ANKLE2: variants seen among roughly 807,000 people sequenced by gnomAD.
The protein encoded by ANKLE2 is ankyrin repeat and LEM domain containing 2, also known as ankyrin repeat and LEM domain-containing protein 2.
ANKLE2 carries 55 observed loss-of-function variants against 84.2 expected under a neutral mutation model. That is an observed-to-expected ratio of 0.65 (90% CI 0.53 to 0.82). The LOEUF is 0.82. ANKLE2 is among the 40% of genes least tolerant of loss of function. The probability of loss-of-function intolerance (pLI) is 0.00; values close to 1 mark genes in which losing one functional copy is unlikely to be tolerated. For missense variants in ANKLE2, 1,238 were observed against 1,201.9 expected (o/e 1.03, Z -0.44); for synonymous variants, 551 against 486.1 (o/e 1.13, Z -1.76).
chr12:132,729,663 G>A lies in ANKLE2; in HGVS notation c.2483+16C>T, dbSNP rs762589003. 29 of 1,562,760 alleles carry A rather than the reference G, an allele frequency of 1.9e-5. No homozygotes were observed. Among genetic ancestry groups the A allele is most frequent in the Non-Finnish European group, 2.4e-5 (27 of 1,147,252 alleles). ...GTGGGGAAGGAAAGTGAGTGCAGAGGGCAACACACTCCTACCCAAAAAGGA... is the reference window on the plus strand; with the variant it reads ...GTGGGGAAGGAAAGTGAGTGCAGAGAGCAACACACTCCTACCCAAAAAGGA... On this transcript the variant is annotated intron_variant, in intron 11 of 12. Transcript: ENST00000357997.
rs1174019995 is a variant in ANKLE2, at chr12:132,748,271, T to G, written c.908A>C (p.Asn303Thr). ...GGCGGTGAGGTCCTGCGTGCGGGGA[T>G]TTTTGTAACTGTTCGCTCGCTCTTT... ...VNKERANSYKNPRTQDLTAKL... is the reference protein window; with the variant it reads ...VNKERANSYKTPRTQDLTAKL... The change falls in exon 4 of 13, where the codon AAT (asparagine) becomes ACT (threonine). Residue 303 changes from asparagine (N) to threonine (T), a missense_variant. This residue lies in a region of ANKLE2 where 422 missense variants were observed against 394.5 expected (regional missense o/e 1.07). Transcript: ENST00000357997. The G allele has an allele frequency of 6.2e-7, 1 of 1,614,078 alleles. No individual in the cohort carries two copies. Among genetic ancestry groups the G allele is most frequent in the East Asian group, 2.2e-5 (1 of 44,892 alleles).
At chr12:132,727,571 T>A in intron 12 of ANKLE2, 128 bp from the exon 13 acceptor site, 1 of 858,222 alleles carries the variant, frequency 1.2e-6, no homozygotes, top group Non-Finnish European at 1.7e-6. Context: ...TGGTGAACCC[T>A]GGCACCGCGG....
chr12:132,749,669 G>A (rs1453337866), intron 3 of ANKLE2, among the ~76,000 whole-genome samples: 1 of 152,226 alleles, frequency 6.6e-6, no homozygotes, highest in East Asian at 1.9e-4. Flanking sequence ...GCGAGAGGGA[G>A]CAGGAACTGA....
intron 8 of ANKLE2, among the ~76,000 whole-genome samples, chr12:132,736,556 C>T (rs879324701): frequency 7.8e-6 from 1 of 128,454 alleles, no homozygotes; most frequent in Non-Finnish European, 1.7e-5. Context: ...CGGGCAGCCT[C>T]GCTACACCAG....
intron 1 of ANKLE2, chr12:132,760,848 G>A (rs1205988317): frequency 6.6e-6 from 1 of 152,194 alleles, no homozygotes; most frequent in African/African-American, 2.4e-5. Context: ...GAGGTTGGGG[G>A]TGGGGCTGAA....
chr12:132,755,471 G>T, intron 1 of ANKLE2: 12 of 171,022 alleles, frequency 7.0e-5, no homozygotes, highest in South Asian at 3.3e-4. Flanking sequence ...CTTGAACCCA[G>T]GAGGCGGAGG....
chr12:132,736,947 G>A lies in ANKLE2; in HGVS notation c.1539C>T (p.Pro513=), dbSNP rs1429859379. 1.2e-6 allele frequency: 2 copies of A among 1,613,732 alleles called. No individual in the cohort carries two copies. The highest frequency in any genetic ancestry group is 2.7e-5 in the African/African-American group (2 of 74,928). ...ASHVSRYGGS[P]RDPVLTLRAF... is the part of the protein sequence containing the mutation. ...CTCTCAGGGTCAGTACCGGGTCTCT[G>A]GGGCTGCCTCCATAGCGGCTGACGT... The change falls in exon 8 of 13, where the codon CCC becomes CCT. Residue 513 remains proline, a synonymous_variant. Coordinates refer to ENST00000357997, the MANE Select transcript of ANKLE2 (RefSeq NM_015114.3).
At position 132,727,917 on chromosome 12, in the gene ANKLE2, C is replaced by G. The variant is rs564824503; in HGVS notation, c.2615+115G>C. ...ACACCCAAATCCACAGCCTGGCTGA[C>G]GGGCCTGCCAGCGTTGGGAAAAGCC... On this transcript the variant is annotated intron_variant, in intron 12 of 12. Transcript: ENST00000357997. 1.4e-5 allele frequency: 20 copies of G among 1,397,180 alleles called. No individual in the cohort carries two copies. In the African/African-American group the frequency reaches 2.6e-4, roughly 18 times the overall value. 86.5% of individuals were successfully genotyped at this position (1,397,180 alleles called of 1,614,324 possible). A position where few individuals can be genotyped will look rare whatever the true frequency, so the allele number is the denominator to read the frequency against.
intron 8 of ANKLE2, 131 bp downstream of exon 8, chr12:132,736,762 G>A (rs2044017419): frequency 5.5e-6 from 6 of 1,092,858 alleles, no homozygotes; most frequent in Non-Finnish European, 3.9e-6. Flanking sequence ...GATGGTTTGA[G>A]ATGAGGACAA....
intron 6 of ANKLE2, chr12:132,741,721 C>T (rs1255987293): frequency 3.1e-6 from 2 of 640,820 alleles, no homozygotes; most frequent in Admixed American, 2.1e-5. Context: ...CTTGTTTGCG[C>T]TACTCGACAT....
chr12:132,754,739 C>G lies in ANKLE2; in HGVS notation c.576G>C (p.Ala192=), dbSNP rs770928721. ...DTDTYRAGAT[A]SKEPPLYYGV... is the part of the protein sequence containing the mutation. ...CATAGTACAGGGGCGGCTCCTTAGA[C>G]GCAGTCGCTCCAGCTCTGTAGGTGT... The change falls in exon 2 of 13, where the codon GCG becomes GCC. Residue 192 remains alanine, a synonymous_variant. Coordinates refer to ENST00000357997, the MANE Select transcript of ANKLE2 (RefSeq NM_015114.3). The G allele has an allele frequency of 5.0e-6, 8 of 1,614,130 alleles. No homozygotes were observed. The South Asian group carries it at 6.6e-5, about 13-fold the overall frequency.
In ANKLE2 at chr12:132,727,282, A is replaced by G; in HGVS notation, c.2777T>C (p.Leu926Pro). 1.9e-6 allele frequency: 3 copies of G among 1,567,296 alleles called. No homozygotes were observed. The highest frequency in any genetic ancestry group is 2.6e-6 in the Non-Finnish European group (3 of 1,156,618). The change falls in exon 13 of 13, where the codon CTC becomes CCC. Residue 926 changes from leucine to proline, a missense_variant. Physicochemically the swap from Leu to Pro is moderately conservative, Grantham distance 98. This residue lies in a region of ANKLE2 where 802 missense variants were observed against 774.5 expected (regional missense o/e 1.04). Coordinates refer to ENST00000357997, the MANE Select transcript of ANKLE2 (RefSeq NM_015114.3). ...CTCAGCCAGGCGCGCCATCCTGCGG[A>G]GCTGGCTCCCGTGCACGGGGCTGTA... ...GRYSPVHGSQ[L>P]RRMARLAELA...
chr12:132,737,020 G>A lies in ANKLE2; in HGVS notation c.1466C>T (p.Pro489Leu), dbSNP rs1010282182. ...TGGGGACCACAGCTCCCCGATGACTGGAGAAGAAGTCTCTTCCGCTCTCAG... is the reference window on the plus strand; with the variant it reads ...TGGGGACCACAGCTCCCCGATGACTAGAGAAGAAGTCTCTTCCGCTCTCAG... ...PLLRAEETSS[P>L]VIGELWSPDQ... is the part of the protein sequence containing the mutation. Residue 489 changes from proline to leucine, a missense_variant, in exon 8 of 13, where the codon CCA becomes CTA. Around this residue, in one of 3 missense-constraint regions of ANKLE2, gnomAD observed 802 missense variants for 774.5 expected, o/e 1.04. Transcript: ENST00000357997. 1 of 1,612,436 alleles carries A rather than the reference G, an allele frequency of 6.2e-7. No homozygotes were observed. Among genetic ancestry groups the A allele is most frequent in the Non-Finnish European group, 8.5e-7 (1 of 1,178,850 alleles).
Position 132,726,114 on chromosome 12 carries a change from G to T in ANKLE2, c.*1128C>A, listed in dbSNP as rs2043694175. On this transcript the variant is annotated 3_prime_UTR_variant, in exon 13 of 13. Coordinates refer to ENST00000357997, the MANE Select transcript of ANKLE2 (RefSeq NM_015114.3). ...ACTGAAGTTAGCAAAAGCATTGGTG[G>T]GTTTTCATTTTGGATTAAACACTGG... 6.6e-6 allele frequency: 1 copy of T among 152,334 alleles called. No homozygotes were observed. 9.4% of individuals were successfully genotyped at this position (152,334 alleles called of 1,614,324 possible). A position where few individuals can be genotyped will look rare whatever the true frequency, so the allele number is the denominator to read the frequency against.
chr12:132,758,523 TA>T (rs2044532521), intron 1 of ANKLE2: 1 of 152,260 alleles, frequency 6.6e-6, no homozygotes, highest in Non-Finnish European at 1.5e-5. Context: ...AATGTTCCAT[TA>T]ACAATTTTTT....
chr12:132,729,702 C>T lies in ANKLE2; in HGVS notation c.2460G>A (p.Pro820=), dbSNP rs375841027. ...HEDQLEVTRE[P]ARRLFLFGEE... ...ACCCAAAAAGGAAGAGCCGCCTGGC[C>T]GGTTCCCTGGTGACCTCGAGCTGAT... is the stretch of plus-strand genomic sequence containing the variant. The change falls in exon 11 of 13, where the codon CCG becomes CCA. Residue 820 remains proline (P), a synonymous_variant. Coordinates refer to ENST00000357997, the MANE Select transcript of ANKLE2 (RefSeq NM_015114.3). 4.4e-6 allele frequency: 7 copies of T among 1,607,138 alleles called. No individual in the cohort carries two copies. Among genetic ancestry groups the T allele is most frequent in the African/African-American group, 2.7e-5 (2 of 73,296 alleles).
In ANKLE2 at chr12:132,750,684, G is replaced by T. The variant is rs373038439; in HGVS notation, c.806C>A (p.Pro269His). The T allele has an allele frequency of 6.8e-6, 11 of 1,614,104 alleles. No individual in the cohort carries two copies. The highest frequency in any genetic ancestry group is 6.7e-5 in the African/African-American group (5 of 74,934). ...GCTAAAGAGTGGAGCTGTTTTCACAGGAGACAGTGGTAAGGACGTTTTGCT... is the reference window on the plus strand; with the variant it reads ...GCTAAAGAGTGGAGCTGTTTTCACATGAGACAGTGGTAAGGACGTTTTGCT... ...SPSKTSLPLS[P>H]VKTAPLFSND... The change falls in exon 3 of 13, where the codon CCT becomes CAT. Residue 269 changes from proline to histidine, a missense_variant. Transcript: ENST00000357997.
At chr12:132,740,095 C>G (rs983295150) in intron 7 of ANKLE2, among the ~76,000 whole-genome samples, 2 of 152,176 alleles carry the variant, frequency 1.3e-5, no homozygotes, top group Non-Finnish European at 2.9e-5. Flanking sequence ...TTTGAAAATC[C>G]GGAGCAGACT....
intron 1 of ANKLE2, chr12:132,759,521 G>GTATAT (rs2044572030): frequency 7.1e-6 from 1 of 140,308 alleles, no homozygotes; most frequent in African/African-American, 3.3e-5. Context: ...CTATATATAT[G>GTATAT]TATACTATAT....
Sources: gnomAD v4.1 joint callset for allele counts (sites outside exome capture counted in the v4.1 genomes callset) on GRCh38, gnomAD v4.1.1 for gene constraint, gnomAD v4.1.1 regional missense constraint, MANE v1.5 for transcripts, NCBI Gene and HGNC (gene_info 2026-07-23, HGNC 2026-07-21) for gene names.